Variants in ABCG2 observed in about 807,000 individuals in gnomAD.
ABCG2 encodes ATP binding cassette subfamily G member 2 (JR blood group), also known as broad substrate specificity ATP-binding cassette transporter ABCG2.
Under a neutral mutation model 73.5 loss-of-function variants are expected in ABCG2, and 80 were observed. The observed-to-expected ratio is 1.09, with a 90% CI of 0.91 to 1.31. ABCG2 has a LOEUF of 1.31. Among genes scored for constraint, ABCG2 ranks in the 50% most tolerant of loss-of-function variants. ABCG2 has a pLI of 0.00. For synonymous variants in ABCG2, 269 were observed against 282.4 expected (o/e 0.95, Z 0.48); for missense variants, 796 against 786.2 (o/e 1.01, Z -0.15).
At chr4:88,210,235 G>A (rs1035795211) in intron 1 of ABCG2, among the ~76,000 whole-genome samples, 6 of 151,272 alleles carry the variant, frequency 4.0e-5, no homozygotes, top group Admixed American at 1.3e-4. Flanking sequence ...ACATATATAC[G>A]TTTAAGACAG....
At chr4:88,207,745 A>G (rs966485059) in intron 1 of ABCG2, among the ~76,000 whole-genome samples, 2 of 152,036 alleles carry the variant, frequency 1.3e-5, no homozygotes, top group African/African-American at 4.8e-5. Context: ...AGGTCCCACT[A>G]TGTTATGCAG....
intron 1 of ABCG2, among the ~76,000 whole-genome samples, chr4:88,227,880 G>A (rs796070071): frequency 6.6e-5 from 10 of 152,196 alleles, no homozygotes; most frequent in African/African-American, 2.4e-4. Context: ...AGAAGATGCC[G>A]AGGCCAGAAA....
chr4:88,091,536 C>T lies in ABCG2; in HGVS notation c.*698G>A, dbSNP rs1721645969. On this transcript the variant is annotated 3_prime_UTR_variant, in exon 16 of 16. Transcript: ENST00000237612. ...ATAAACCACTAAACCACTGAACTAC[C>T]CCAAGAAGGTTACGTGACCTCCCAG... 1 of 151,998 alleles carries T rather than the reference C, an allele frequency of 6.6e-6. No individual in the cohort carries two copies. The highest frequency in any genetic ancestry group is 2.4e-5 in the African/African-American group (1 of 41,370). The allele number at this position is 151,998 out of a possible 1,614,324, so 9.4% of individuals were successfully genotyped here.
At chr4:88,113,169 T>C in intron 9 of ABCG2, 134 bp downstream of exon 9, 3 of 1,213,248 alleles carry the variant, frequency 2.5e-6, no homozygotes, top group Non-Finnish European at 3.5e-6. Flanking sequence ...TTCTGCTGAC[T>C]GGTTCTATAT....
intron 11 of ABCG2, among the ~76,000 whole-genome samples, chr4:88,100,364 G>T (rs1286679930): frequency 6.6e-6 from 1 of 151,946 alleles, no homozygotes; most frequent in Non-Finnish European, 1.5e-5. Flanking sequence ...TTAGCTGGGT[G>T]TGGTGGCGGG....
intron 1 of ABCG2, among the ~76,000 whole-genome samples, chr4:88,194,020 C>T (rs1489049595): frequency 1.3e-5 from 2 of 152,176 alleles, no homozygotes; most frequent in Non-Finnish European, 2.9e-5. Flanking sequence ...AATGGGATTA[C>T]AGGCGTAAGC....
intron 9 of ABCG2, among the ~76,000 whole-genome samples, chr4:88,112,145 C>G (rs2110004392): frequency 6.6e-6 from 1 of 151,812 alleles, no homozygotes; most frequent in East Asian, 1.9e-4. Context: ...TAATAATCAC[C>G]AACTATCACA....
chr4:88,177,480 T>G (rs1028364428), intron 1 of ABCG2, among the ~76,000 whole-genome samples: 9 of 151,984 alleles, frequency 5.9e-5, no homozygotes, highest in African/African-American at 1.9e-4. Context: ...TTTTATGTAA[T>G]AAAAACTAAG....
At chr4:88,131,285 A>T in intron 4 of ABCG2, 72 bp from the exon 5 acceptor site, 1 of 1,451,340 alleles carries the variant, frequency 6.9e-7, no homozygotes, top group Non-Finnish European at 9.5e-7. Context: ...TGTTTAGTAT[A>T]CATAACATAA....
chr4:88,230,324 CAT>C (rs36080532), intron 1 of ABCG2, among the ~76,000 whole-genome samples: 18,855 of 122,458 alleles, frequency 0.15, 2,646 homozygotes, highest in East Asian at 0.23. Flanking sequence ...TTTTTGGCCA[CAT>C]ATATATATAT....
chr4:88,175,467 A>T (rs1383588), intron 1 of ABCG2, among the ~76,000 whole-genome samples: 62,131 of 152,124 alleles, frequency 0.41, 13,768 homozygotes, highest in East Asian at 0.66. Flanking sequence ...AGAACACTTC[A>T]TTAAGAATTT....
intron 2 of ABCG2, 124 bp downstream of exon 2, chr4:88,139,669 C>G: frequency 1.3e-6 from 1 of 745,170 alleles, no homozygotes; most frequent in Non-Finnish European, 2.2e-6. Flanking sequence ...AAGCATGTGT[C>G]TGTATATCTG....
chr4:88,115,138 G>C (rs1723447678), intron 7 of ABCG2, 80 bp from the exon 8 acceptor site: 13 of 918,646 alleles, frequency 1.4e-5, no homozygotes, highest in Non-Finnish European at 2.3e-5. Flanking sequence ...GGGTGAGGGA[G>C]GTAAGGCTAG....
In ABCG2 at chr4:88,099,446, T is replaced by C. The variant is rs147242094; in HGVS notation, c.1370A>G (p.His457Arg). The stretch of plus-strand genomic sequence containing the variant: ...TCTGTAGTATCCGCTGATGTATTCA[T>C]GTCTATAGAACAAAAATACGTATCA... The part of the protein sequence containing the change: ...LFVVEKKLFI[H>R]EYISGYYRVS... Residue 457 changes from histidine to arginine, a missense_variant and splice_region_variant, in exon 12 of 16, where the codon CAT becomes CGT. Coordinates refer to ENST00000237612, the MANE Select transcript of ABCG2 (RefSeq NM_004827.3). 2.5e-6 allele frequency: 4 copies of C among 1,599,514 alleles called. No individual in the cohort carries two copies. In the African/African-American group the frequency reaches 5.4e-5, roughly 22 times the overall value.
At chr4:88,163,740 GA>G (rs1727405098), upstream of ABCG2, 1 of 415,292 alleles carries the variant, frequency 2.4e-6, no homozygotes, top group Non-Finnish European at 4.8e-6. Context: ...AATTTGCCAT[GA>G]AGGAGATGGG....
intron 1 of ABCG2, among the ~76,000 whole-genome samples, chr4:88,142,142 C>T (rs1725690224): frequency 6.6e-6 from 1 of 151,840 alleles, no homozygotes. Flanking sequence ...GCATAACAAA[C>T]ATATGGGATA....
upstream of ABCG2, among the ~76,000 whole-genome samples, chr4:88,163,303 C>A (rs1560730393): frequency 6.6e-6 from 1 of 152,108 alleles, no homozygotes; most frequent in African/African-American, 2.4e-5. Context: ...GTTTAAAACT[C>A]TTCCTAAAGA....
intron 8 of ABCG2, among the ~76,000 whole-genome samples, chr4:88,114,501 C>T (rs1383572245): frequency 6.6e-6 from 1 of 151,772 alleles, no homozygotes; most frequent in Non-Finnish European, 1.5e-5. Flanking sequence ...GTGGCACAGG[C>T]TTGTAATTCT....
At chr4:88,173,843 A>C (rs1238940243) in intron 1 of ABCG2, among the ~76,000 whole-genome samples, 1 of 152,186 alleles carries the variant, frequency 6.6e-6, no homozygotes, top group Non-Finnish European at 1.5e-5. Flanking sequence ...TACAAGAAAA[A>C]AGAAAACAAA....
Sources: allele counts gnomAD v4.1 joint callset (sites outside exome capture counted in the v4.1 genomes callset), GRCh38; gene constraint gnomAD v4.1.1; transcripts MANE v1.5; gene names NCBI Gene and HGNC (gene_info 2026-07-23, HGNC 2026-07-21).